CCAR1: variants seen among roughly 807,000 people sequenced by gnomAD.
CCAR1 encodes cell division cycle and apoptosis regulator protein 1.
CCAR1 carries 78 observed loss-of-function variants against 163.8 expected under a neutral mutation model. The observed-to-expected ratio is 0.48, with a 90% CI of 0.40 to 0.57. CCAR1 has a LOEUF of 0.57. CCAR1 is among the 20% of genes least tolerant of loss of function. The pLI, the probability that CCAR1 is intolerant of heterozygous loss-of-function variation, is 0.00. For synonymous variants in CCAR1, 443 were observed against 460.7 expected (o/e 0.96, Z 0.49); for missense variants, 1,019 against 1,365.2 (o/e 0.75, Z 4.00).
At chr10:68,730,980 A>G (rs551014528) in intron 2 of CCAR1, among the ~76,000 whole-genome samples, 1 of 152,310 alleles carries the variant, frequency 6.6e-6, no homozygotes, top group South Asian at 2.1e-4. Flanking sequence ...AATATGAGCC[A>G]CTGTGCCTGG....
In CCAR1 at chr10:68,791,257, C is replaced by T. The variant is rs1274148475; in HGVS notation, c.3444C>T (p.Ala1148=). ...ATCAAAAATCCAAGGAGAATGGTGCCAGTGTATGATAAAATCCATGTAGTG... is the reference window on the plus strand; with the variant it reads ...ATCAAAAATCCAAGGAGAATGGTGCTAGTGTATGATAAAATCCATGTAGTG... ...DKDQKSKENG[A]SV is the part of the protein sequence containing the mutation. The change falls in exon 25 of 25, where the codon GCC becomes GCT. Residue 1148 remains alanine (A), a synonymous_variant. Coordinates refer to ENST00000265872, the MANE Select transcript of CCAR1 (RefSeq NM_018237.4). The T allele has an allele frequency of 6.3e-7, 1 of 1,595,064 alleles. No homozygotes were observed. Among genetic ancestry groups the T allele is most frequent in the East Asian group, 2.3e-5 (1 of 44,366 alleles).
At chr10:68,750,009 A>G (rs972131958) in intron 10 of CCAR1, among the ~76,000 whole-genome samples, 7 of 152,192 alleles carry the variant, frequency 4.6e-5, no homozygotes, top group Non-Finnish European at 1.0e-4. Context: ...ATTGTGTATG[A>G]TAAAGCAATA....
At position 68,771,313 on chromosome 10, in the gene CCAR1, G is replaced by C. The variant is rs1141945; in HGVS notation, c.2406G>C (p.Lys802Asn). 2.5e-6 allele frequency: 4 copies of C among 1,606,588 alleles called. No homozygotes were observed. The highest frequency in any genetic ancestry group is 3.4e-6 in the Non-Finnish European group (4 of 1,176,328). Residue 802 changes from lysine (K) to asparagine (N), a missense_variant, in exon 18 of 25, where the codon AAG becomes AAC. Around this residue, in one of 4 missense-constraint regions of CCAR1, gnomAD observed 358 missense variants for 406.4 expected, o/e 0.88. Coordinates refer to ENST00000265872, the MANE Select transcript of CCAR1 (RefSeq NM_018237.4). ...SLPEKEDKKE[K>N]DKKSKKDERK... ...CTGAGAAAGAGGACAAAAAAGAAAA[G>C]GATAAAAAAAGCAAAAAAGATGAGA...
chr10:68,756,558 C>T lies in CCAR1; in HGVS notation c.1836+75C>T. 8.8e-7 allele frequency: 1 copy of T among 1,135,386 alleles called. No individual in the cohort carries two copies. Among genetic ancestry groups the T allele is most frequent in the African/African-American group, 1.5e-5 (1 of 65,160 alleles). 70.3% of individuals were successfully genotyped at this position (1,135,386 alleles called of 1,614,324 possible). On this transcript the variant is annotated intron_variant, in intron 14 of 24. Coordinates refer to ENST00000265872, the MANE Select transcript of CCAR1 (RefSeq NM_018237.4). The surrounding 1 kb of genome is among the most constrained non-coding windows in gnomAD (Gnocchi z 5.1). Reference sequence around the variant, plus strand: ...AACACAGGCACAAATGCACACCACACACTACATAATAAACACACATGGAGG... The same window carrying T: ...AACACAGGCACAAATGCACACCACATACTACATAATAAACACACATGGAGG...
At chr10:68,748,433 A>G (rs946931536) in intron 8 of CCAR1, among the ~76,000 whole-genome samples, 4 of 151,600 alleles carry the variant, frequency 2.6e-5, no homozygotes, top group Non-Finnish European at 5.9e-5. Context: ...AGGTAGCCTT[A>G]GCTTACAGAA....
intron 2 of CCAR1, among the ~76,000 whole-genome samples, chr10:68,725,861 A>T (rs1327814162): frequency 6.6e-6 from 1 of 151,936 alleles, no homozygotes; most frequent in African/African-American, 2.4e-5. Context: ...CATGTATGTA[A>T]TCCCAGCACT....
intron 19 of CCAR1, among the ~76,000 whole-genome samples, chr10:68,785,105 G>C (rs2056781643): frequency 1.3e-5 from 2 of 151,838 alleles, no homozygotes; most frequent in South Asian, 4.2e-4. Context: ...TTTTAGTAGA[G>C]ACGGGATTTC....
At chr10:68,769,044 G>C (rs765789623) in intron 17 of CCAR1, among the ~76,000 whole-genome samples, 17 of 152,028 alleles carry the variant, frequency 1.1e-4, no homozygotes, top group Non-Finnish European at 2.4e-4. Context: ...GCATGATCTT[G>C]GCTCACTGCA....
intron 19 of CCAR1, among the ~76,000 whole-genome samples, chr10:68,774,256 GA>G (rs890942497): frequency 1.3e-5 from 2 of 152,166 alleles, no homozygotes; most frequent in African/African-American, 4.8e-5. Flanking sequence ...TTGAACTACT[GA>G]GTTCAAGAAA....
intron 19 of CCAR1, among the ~76,000 whole-genome samples, chr10:68,782,055 A>G (rs1292975033): frequency 2.0e-5 from 3 of 152,182 alleles, no homozygotes; most frequent in Admixed American, 1.3e-4. Flanking sequence ...TCCAGTGAAC[A>G]TGCAAATGGT....
chr10:68,728,550 T>C (rs1388726953), intron 2 of CCAR1, among the ~76,000 whole-genome samples: 3 of 152,184 alleles, frequency 2.0e-5, no homozygotes, highest in Non-Finnish European at 4.4e-5. Context: ...GCACTAGTCC[T>C]CACTTCCAAA....
chr10:68,725,239 C>T (rs571369445), intron 2 of CCAR1, among the ~76,000 whole-genome samples: 128 of 151,762 alleles, frequency 8.4e-4, no homozygotes, highest in African/African-American at 3.1e-3. Context: ...CGGAGGTGGG[C>T]ATATCACTGA....
intron 11 of CCAR1, among the ~76,000 whole-genome samples, chr10:68,754,415 ACATT>A (rs1023112524): frequency 2.0e-5 from 3 of 152,218 alleles, no homozygotes; most frequent in African/African-American, 7.2e-5. Context: ...CTTAAGGGAA[ACATT>A]CAGTATATTG....
chr10:68,753,781 C>A, intron 10 of CCAR1, 71 bp from the exon 11 acceptor site: 1 of 1,104,992 alleles, frequency 9.0e-7, no homozygotes, highest in Non-Finnish European at 1.3e-6. Flanking sequence ...GTTATATTTG[C>A]TACAGAATTA....
At chr10:68,734,653 ATTAC>A (rs2056083876) in intron 2 of CCAR1, among the ~76,000 whole-genome samples, 1 of 152,100 alleles carries the variant, frequency 6.6e-6, no homozygotes, top group African/African-American at 2.4e-5. Context: ...ATTCAACTGA[ATTAC>A]TTAACGCAGT....
At chr10:68,737,938 G>A (rs747932169) in intron 4 of CCAR1, 49 bp downstream of exon 4, 1 of 1,230,566 alleles carries the variant, frequency 8.1e-7, no homozygotes, top group Non-Finnish European at 1.2e-6. Flanking sequence ...ATAGCCATTT[G>A]CTCCAAAGTT....
chr10:68,721,472 G>A (rs935295929), intron 1 of CCAR1, 190 bp downstream of exon 1: 1 of 387,508 alleles, frequency 2.6e-6, no homozygotes, highest in Admixed American at 3.0e-5. Flanking sequence ...GAGCAGGCCC[G>A]GCGCGGCCAG....
intron 2 of CCAR1, among the ~76,000 whole-genome samples, chr10:68,731,536 A>G (rs2056037992): frequency 6.7e-6 from 1 of 148,930 alleles, no homozygotes; most frequent in African/African-American, 2.5e-5. Flanking sequence ...TTATCTTCCT[A>G]TCAATTTTTC....
intron 17 of CCAR1, among the ~76,000 whole-genome samples, chr10:68,767,293 A>G (rs910711924): frequency 9.2e-5 from 14 of 152,168 alleles, no homozygotes; most frequent in African/African-American, 3.4e-4. Flanking sequence ...TTTTTGAGAC[A>G]GTCTCACTTT....
Sources: allele counts gnomAD v4.1 joint callset (sites outside exome capture counted in the v4.1 genomes callset), GRCh38; gene constraint gnomAD v4.1.1; regional missense constraint gnomAD v4.1.1; non-coding constraint Gnocchi (gnomAD v3.1); transcripts MANE v1.5; gene names NCBI Gene and HGNC (gene_info 2026-07-23, HGNC 2026-07-21).